The following FHIT variants were observed in gnomAD, a reference collection of about 807,000 sequenced individuals.
FHIT encodes fragile histidine triad diadenosine triphosphatase, also known as bis(5'-adenosyl)-triphosphatase.
A neutral mutation model predicts 17.9 loss-of-function variants in FHIT; 19 were observed. That is an observed-to-expected ratio of 1.06 (90% CI 0.74 to 1.56). FHIT has a LOEUF of 1.56. Ranked by LOEUF, FHIT falls within the 40% of genes most tolerant of loss-of-function variation. The probability of loss-of-function intolerance (pLI) is 0.00; values close to 1 mark genes in which losing one functional copy is unlikely to be tolerated. For synonymous variants in FHIT, 81 were observed against 69.7 expected (o/e 1.16, Z -0.81); for missense variants, 248 against 189.2 (o/e 1.31, Z -1.82).
In FHIT at chr3:60,811,228, T is replaced by C. The variant is rs151127948; in HGVS notation, c.-18+10691A>G. On this transcript the variant is annotated intron_variant, in intron 4 of 9. Transcript: ENST00000492590. Reference sequence around the variant, plus strand: ...GTCCTGAGATTTCTACCATGAGCCTTTATTGGAGTTCTATAAGAAGAAAAA... The same window carrying C: ...GTCCTGAGATTTCTACCATGAGCCTCTATTGGAGTTCTATAAGAAGAAAAA... Among the ~76,000 whole-genome samples, 147 of 152,254 alleles carry C rather than the reference T, an allele frequency of 9.7e-4. 1 individual carries two copies. The highest frequency in any genetic ancestry group is 3.0e-3 in the African/African-American group (125 of 41,546).
chr3:59,809,428 C>A (rs895107405), intron 8 of FHIT, among the ~76,000 whole-genome samples: 4 of 152,208 alleles, frequency 2.6e-5, no homozygotes, highest in African/African-American at 9.7e-5. Context: ...TTTTGGACAT[C>A]CAGCATCTTG....
In FHIT at chr3:60,634,532, T is replaced by C. The variant is rs73835788; in HGVS notation, c.-17-97553A>G. Among the ~76,000 whole-genome samples the C allele has an allele frequency of 3.5e-3, 526 of 152,308 alleles. 4 individuals carry two copies. The highest frequency in any genetic ancestry group is 8.5e-3 in the African/African-American group (354 of 41,578). On this transcript the variant is annotated intron_variant, in intron 4 of 9. Coordinates refer to ENST00000492590, the MANE Select transcript of FHIT (RefSeq NM_002012.4). The stretch of plus-strand genomic sequence containing the variant: ...CTTTCATTACAGAGTGTTAAAGGCA[T>C]CACTCTGCTTGAGAAATCGCAATCA...
chr3:60,762,286 G>T (rs1397913445), intron 4 of FHIT, among the ~76,000 whole-genome samples: 4 of 152,078 alleles, frequency 2.6e-5, no homozygotes, highest in African/African-American at 4.8e-5. Flanking sequence ...TCATCAAAAA[G>T]ATATCGGTTG....
chr3:60,088,221 C>CG (rs58762380), intron 5 of FHIT, among the ~76,000 whole-genome samples: 3,392 of 152,218 alleles, frequency 0.022, 97 homozygotes, highest in African/African-American at 0.076. Flanking sequence ...CTATTCATGA[C>CG]GGATCTGCCT....
At chr3:59,960,676 C>G (rs1012168123) in intron 7 of FHIT, among the ~76,000 whole-genome samples, 2 of 152,334 alleles carry the variant, frequency 1.3e-5, no homozygotes, top group African/African-American at 4.8e-5. Flanking sequence ...TCGTCAATCA[C>G]TATATTCTTC....
intron 4 of FHIT, among the ~76,000 whole-genome samples, chr3:60,658,314 C>T (rs1553690182): frequency 1.3e-5 from 2 of 152,042 alleles, no homozygotes; most frequent in African/African-American, 2.4e-5. Context: ...TCCTTCTGTC[C>T]CATTTTGCTA....
At chr3:60,472,021 T>G (rs1289260672) in intron 5 of FHIT, among the ~76,000 whole-genome samples, 2 of 152,178 alleles carry the variant, frequency 1.3e-5, no homozygotes, top group East Asian at 3.9e-4. Flanking sequence ...AATTTTGGGG[T>G]GAGGGATGAA....
At chr3:61,220,844 C>A (rs143874690) in intron 1 of FHIT, among the ~76,000 whole-genome samples, 2 of 152,308 alleles carry the variant, frequency 1.3e-5, no homozygotes, top group African/African-American at 2.4e-5. Context: ...CCCATGCTTT[C>A]ACAAAACAAT....
intron 3 of FHIT, among the ~76,000 whole-genome samples, chr3:60,847,898 C>T (rs911514965): frequency 2.0e-5 from 3 of 152,124 alleles, no homozygotes; most frequent in African/African-American, 7.2e-5. Context: ...AAATAAAGAA[C>T]TTGAAGCACA....
At chr3:60,068,484 G>C (rs1243637121) in intron 5 of FHIT, among the ~76,000 whole-genome samples, 1 of 152,176 alleles carries the variant, frequency 6.6e-6, no homozygotes, top group Non-Finnish European at 1.5e-5. Flanking sequence ...ACGGCTGTGT[G>C]GGTTGTGCAC....
intron 2 of FHIT, among the ~76,000 whole-genome samples, chr3:61,076,217 C>G (rs1246592903): frequency 6.6e-6 from 1 of 152,182 alleles, no homozygotes; most frequent in Non-Finnish European, 1.5e-5. Flanking sequence ...ACAAGCGATG[C>G]AGAGGGGAGA....
chr3:60,507,122 T>C (rs749984455), intron 5 of FHIT, among the ~76,000 whole-genome samples: 6 of 152,060 alleles, frequency 3.9e-5, no homozygotes, highest in Non-Finnish European at 2.9e-5. Flanking sequence ...CATTAGAACA[T>C]ATAATAAAGG....
intron 4 of FHIT, among the ~76,000 whole-genome samples, chr3:60,820,029 C>T (rs911091413): frequency 5.3e-5 from 8 of 151,986 alleles, no homozygotes; most frequent in Non-Finnish European, 1.2e-4. Flanking sequence ...ACCTTCTAGC[C>T]GGGAGTGATG....
rs545426139 is a variant in FHIT at position 60,481,421 on chromosome 3, G to A, written c.103+55439C>T. Among the ~76,000 whole-genome samples, 50 of 152,264 alleles carry A rather than the reference G, an allele frequency of 3.3e-4. 1 individual carries two copies. The highest frequency in any genetic ancestry group is 1.2e-3 in the African/African-American group (48 of 41,554). Reference sequence around the variant, plus strand: ...AAGGAAAGAATGTTAAGGGCAGCCAGAGAGAAAGGCCAGGTCACCAACAAA... The same window carrying A: ...AAGGAAAGAATGTTAAGGGCAGCCAAAGAGAAAGGCCAGGTCACCAACAAA... On this transcript the variant is annotated intron_variant, in intron 5 of 9. Transcript: ENST00000492590.
intron 5 of FHIT, among the ~76,000 whole-genome samples, chr3:60,507,116 A>G (rs566945072): frequency 1.3e-5 from 2 of 152,326 alleles, no homozygotes; most frequent in South Asian, 4.1e-4. Flanking sequence ...TGGTTCCATT[A>G]GAACATATAA....
At chr3:61,060,508 T>TA (rs752411210) in intron 2 of FHIT, among the ~76,000 whole-genome samples, 28 of 152,360 alleles carry the variant, frequency 1.8e-4, no homozygotes, top group Non-Finnish European at 2.8e-4. Flanking sequence ...GAAACTCCCC[T>TA]AAGCTGGAGC....
chr3:60,572,380 T>C (rs1253938362), intron 4 of FHIT, among the ~76,000 whole-genome samples: 1 of 152,200 alleles, frequency 6.6e-6, no homozygotes, highest in Non-Finnish European at 1.5e-5. Context: ...TTCACTCTGT[T>C]TTATAATATT....
chr3:60,270,176 A>G (rs1706794257), intron 5 of FHIT, among the ~76,000 whole-genome samples: 1 of 152,174 alleles, frequency 6.6e-6, no homozygotes, highest in African/African-American at 2.4e-5. Flanking sequence ...CAGGCCACGC[A>G]GGCGCATGGA....
intron 5 of FHIT, among the ~76,000 whole-genome samples, chr3:60,297,553 A>ATGACT (rs2106692641): frequency 6.7e-6 from 1 of 149,740 alleles, no homozygotes; most frequent in East Asian, 2.1e-4. Context: ...TTTTCTAGGT[A>ATGACT]TGACTTACAA....
Sources: allele counts gnomAD v4.1 joint callset (sites outside exome capture counted in the v4.1 genomes callset), GRCh38; gene constraint gnomAD v4.1.1; transcripts MANE v1.5; gene names NCBI Gene and HGNC (gene_info 2026-07-23, HGNC 2026-07-21).